Variants in EID1 observed in about 807,000 individuals in gnomAD.
EID1 encodes the protein EP300 interacting inhibitor of differentiation 1.
EID1 carries 3 observed loss-of-function variants against 13.7 expected under a neutral mutation model. That is an observed-to-expected ratio of 0.22 (90% CI 0.10 to 0.57). EID1 has a LOEUF of 0.57. EID1 is among the 20% of genes least tolerant of loss of function. The pLI is 0.92. For missense variants in EID1, 261 were observed against 247.6 expected (o/e 1.05, Z -0.36); for synonymous variants, 105 against 97.6 (o/e 1.08, Z -0.44).
Position 48,879,232 on chromosome 15 carries a change from CAAGCCACAGTTATCA to C in EID1, c.*496_*510del, listed in dbSNP as rs1899892177. The C allele has an allele frequency of 5.9e-6, 1 of 169,222 alleles. No homozygotes were observed. The highest frequency in any genetic ancestry group is 2.4e-5 in the African/African-American group (1 of 41,448). 10.5% of individuals were successfully genotyped at this position (169,222 alleles called of 1,614,324 possible). ...GGAAAATTCTATTTTGTGATCTAGT[CAAGCCACAGTTATCA>C]AAGGCTACATTTTCAGTGTAAGATA... is the stretch of plus-strand genomic sequence containing the variant. On this transcript the variant is annotated 3_prime_UTR_variant, in exon 1 of 1. Transcript: ENST00000530028.
rs558068343 is a variant in EID1, at chr15:48,878,631, A to T, written c.455A>T (p.Glu152Val). The T allele has an allele frequency of 6.2e-7, 1 of 1,614,076 alleles. No individual in the cohort carries two copies. Among genetic ancestry groups the T allele is most frequent in the East Asian group, 2.2e-5 (1 of 44,892 alleles). The change falls in exon 1 of 1, where the codon GAG becomes GTG. Residue 152 changes from glutamate (E) to valine (V), a missense_variant. Coordinates refer to ENST00000530028, the MANE Select transcript of EID1 (RefSeq NM_014335.3). ...GATGGCGGGTTTCAGATGCATTATG[A>T]GAAGACCCCGTTTGATCAGTTAGCT... is the stretch of plus-strand genomic sequence containing the variant. ...ALDGGFQMHY[E>V]KTPFDQLAFI...
In EID1 at chr15:48,879,750, G is replaced by T. The variant is rs1899903536; in HGVS notation, c.*1010G>T. 2 of 167,012 alleles carry T rather than the reference G, an allele frequency of 1.2e-5. No homozygotes were observed. Among genetic ancestry groups the T allele is most frequent in the African/African-American group, 4.8e-5 (2 of 41,424 alleles). The allele number at this position is 167,012 out of a possible 1,614,324, so 10.3% of individuals were successfully genotyped here. ...TCCCTCTGTCTCCTCCTCTAATTAA[G>T]CTTGTTATTTGTCATGCACCAGCAT... is the stretch of plus-strand genomic sequence containing the variant. On this transcript the variant is annotated 3_prime_UTR_variant, in exon 1 of 1. Coordinates refer to ENST00000530028, the MANE Select transcript of EID1 (RefSeq NM_014335.3).
rs1332147958 is a variant in EID1 at position 48,879,888 on chromosome 15, A to G, written c.*1148A>G. 6.0e-6 allele frequency: 1 copy of G among 167,080 alleles called. No individual in the cohort carries two copies. The highest frequency in any genetic ancestry group is 1.5e-5 in the Non-Finnish European group (1 of 68,118). The allele number at this position is 167,080 out of a possible 1,614,324, so 10.3% of individuals were successfully genotyped here. A position where few individuals can be genotyped will look rare whatever the true frequency, so the allele number is the denominator to read the frequency against. On this transcript the variant is annotated 3_prime_UTR_variant, in exon 1 of 1. Coordinates refer to ENST00000530028, the MANE Select transcript of EID1 (RefSeq NM_014335.3). The stretch of plus-strand genomic sequence containing the variant: ...ATGTGTTAACCAGTATTAAGGGAAA[A>G]TGATCCAGCTTCAGCTATCTAATTC...
rs113812432 is a variant in EID1, at chr15:48,878,230, G to A, written c.54G>A (p.Gln18=). Residue 18 remains glutamine (Q), a synonymous_variant, in exon 1 of 1, where the codon CAG becomes CAA. Transcript: ENST00000530028. ...TGTATGAAGAGAGCAGTGACCTGCA[G>A]ATGGATGTGATGCCTGGCGAGGGTG... ...SELYEESSDL[Q]MDVMPGEGDL... is the part of the protein sequence containing the mutation. 6.2e-7 allele frequency: 1 copy of A among 1,607,296 alleles called. No individual in the cohort carries two copies. The highest frequency in any genetic ancestry group is 1.3e-5 in the African/African-American group (1 of 74,902).
Position 48,878,797 on chromosome 15 carries a change from T to C in EID1, c.*57T>C. 1 of 1,490,496 alleles carries C rather than the reference T, an allele frequency of 6.7e-7. No individual in the cohort carries two copies. The allele number at this position is 1,490,496 out of a possible 1,614,324, so 92.3% of individuals were successfully genotyped here. A position where few individuals can be genotyped will look rare whatever the true frequency, so the allele number is the denominator to read the frequency against. On this transcript the variant is annotated 3_prime_UTR_variant, in exon 1 of 1. Coordinates refer to ENST00000530028, the MANE Select transcript of EID1 (RefSeq NM_014335.3). ...TGAGGAGGGACCCAACTTTCCGCTA[T>C]CTTTTGGGTTCATTCCAAATAGTTT...
chr15:48,879,003 A>G lies in EID1; in HGVS notation c.*263A>G. 2.8e-6 allele frequency: 1 copy of G among 362,980 alleles called. No homozygotes were observed. The highest frequency in any genetic ancestry group is 5.2e-6 in the Non-Finnish European group (1 of 190,966). The allele number at this position is 362,980 out of a possible 1,614,324, so 22.5% of individuals were successfully genotyped here. On this transcript the variant is annotated 3_prime_UTR_variant, in exon 1 of 1. Coordinates refer to ENST00000530028, the MANE Select transcript of EID1 (RefSeq NM_014335.3). ...AAACACCTATGGCTTTGACTTTGTT[A>G]TTGATCCAGATTATTTTCCTTGCAT...
In EID1 at chr15:48,878,938, G is replaced by C. The variant is rs1449091518; in HGVS notation, c.*198G>C. Reference sequence around the variant, plus strand: ...AGAATCATTAAAGAAAAAGAAAAAAGATTTTAAGACCGTTGAAATCAATTA... The same window carrying C: ...AGAATCATTAAAGAAAAAGAAAAAACATTTTAAGACCGTTGAAATCAATTA... On this transcript the variant is annotated 3_prime_UTR_variant, in exon 1 of 1. Transcript: ENST00000530028. 3 of 501,422 alleles carry C rather than the reference G, an allele frequency of 6.0e-6. No homozygotes were observed. The highest frequency in any genetic ancestry group is 3.6e-5 in the Admixed American group (1 of 27,792). 31.1% of individuals were successfully genotyped at this position (501,422 alleles called of 1,614,324 possible). A position where few individuals can be genotyped will look rare whatever the true frequency, so the allele number is the denominator to read the frequency against.
chr15:48,878,734 A>G lies in EID1; in HGVS notation c.558A>G (p.Arg186=), dbSNP rs1899881111. Residue 186 remains arginine (R), a synonymous_variant, in exon 1 of 1, where the codon AGA becomes AGG. Coordinates refer to ENST00000530028, the MANE Select transcript of EID1 (RefSeq NM_014335.3). ...EELGCDEIID[R]E ...TCGGCTGTGATGAGATTATTGATAGAGAGTAGTTAGATGCTGTTAAAAGAG... is the reference window on the plus strand; with the variant it reads ...TCGGCTGTGATGAGATTATTGATAGGGAGTAGTTAGATGCTGTTAAAAGAG... 6.2e-7 allele frequency: 1 copy of G among 1,610,774 alleles called. No homozygotes were observed. The highest frequency in any genetic ancestry group is 1.3e-5 in the African/African-American group (1 of 74,966).
chr15:48,878,790 T>C lies in EID1; in HGVS notation c.*50T>C. ...AACTACTTGAGGAGGGACCCAACTT[T>C]CCGCTATCTTTTGGGTTCATTCCAA... On this transcript the variant is annotated 3_prime_UTR_variant, in exon 1 of 1. Coordinates refer to ENST00000530028, the MANE Select transcript of EID1 (RefSeq NM_014335.3). The C allele has an allele frequency of 6.6e-7, 1 of 1,524,944 alleles. No homozygotes were observed. The highest frequency in any genetic ancestry group is 8.9e-7 in the Non-Finnish European group (1 of 1,123,040). The allele number at this position is 1,524,944 out of a possible 1,614,324, so 94.5% of individuals were successfully genotyped here.
Position 48,878,752 on chromosome 15 carries a change from TAAAAG to T in EID1, c.*14_*18del. 1.3e-6 allele frequency: 2 copies of T among 1,598,982 alleles called. No homozygotes were observed. Among genetic ancestry groups the T allele is most frequent in the Non-Finnish European group, 8.6e-7 (1 of 1,168,298 alleles). On this transcript the variant is annotated 3_prime_UTR_variant, in exon 1 of 1. Coordinates refer to ENST00000530028, the MANE Select transcript of EID1 (RefSeq NM_014335.3). Reference sequence around the variant, plus strand: ...TTGATAGAGAGTAGTTAGATGCTGTTAAAAGAGGAGGAAACTACTTGAGGAGGGAC... The same window carrying T: ...TTGATAGAGAGTAGTTAGATGCTGTTAGGAGGAAACTACTTGAGGAGGGAC...
At position 48,878,199 on chromosome 15, in the gene EID1, C is replaced by T; in HGVS notation, c.23C>T (p.Ser8Phe). The T allele has an allele frequency of 6.4e-7, 1 of 1,568,864 alleles. No individual in the cohort carries two copies. Among genetic ancestry groups the T allele is most frequent in the South Asian group, 1.2e-5 (1 of 85,708 alleles). MSEMAEL[S>F]ELYEESSDLQ... ...ACAATGTCGGAAATGGCTGAGTTGTCCGAGCTGTATGAAGAGAGCAGTGAC... is the reference window on the plus strand; with the variant it reads ...ACAATGTCGGAAATGGCTGAGTTGTTCGAGCTGTATGAAGAGAGCAGTGAC... Residue 8 changes from serine to phenylalanine, a missense_variant, in exon 1 of 1, where the codon TCC (serine) becomes TTC (phenylalanine). Ser to Phe is a radical substitution (Grantham distance 155, BLOSUM62 -2). Around this residue, in one of 2 missense-constraint regions of EID1, gnomAD observed 244 missense variants for 210.8 expected, o/e 1.16. Coordinates refer to ENST00000530028, the MANE Select transcript of EID1 (RefSeq NM_014335.3).
rs755502226 is a variant in EID1 at position 48,878,564 on chromosome 15, G to A, written c.388G>A (p.Glu130Lys). The A allele has an allele frequency of 6.2e-7, 1 of 1,614,092 alleles. No homozygotes were observed. Among genetic ancestry groups the A allele is most frequent in the Non-Finnish European group, 8.5e-7 (1 of 1,179,906 alleles). ...CTACAGAGTATCAGCCGCTCTTGAA[G>A]AAGCCGACAAGATGTTTCTGAGAAC... ...AGYRVSAALE[E>K]ADKMFLRTRE... Residue 130 changes from glutamate (E) to lysine (K), a missense_variant, in exon 1 of 1, where the codon GAA (glutamate) becomes AAA (lysine). Around this residue, in one of 2 missense-constraint regions of EID1, gnomAD observed 244 missense variants for 210.8 expected, o/e 1.16. Coordinates refer to ENST00000530028, the MANE Select transcript of EID1 (RefSeq NM_014335.3).
chr15:48,878,455 C>A lies in EID1; in HGVS notation c.279C>A (p.Phe93Leu), dbSNP rs779336657. ...EQPGQVAGAD[F>L]ESEDEGEEFD... is the part of the protein sequence containing the mutation. ...CAGGCCAGGTGGCGGGCGCAGACTT[C>A]GAGAGCGAGGACGAGGGCGAGGAAT... is the stretch of plus-strand genomic sequence containing the variant. Residue 93 changes from phenylalanine to leucine, a missense_variant, in exon 1 of 1, where the codon TTC becomes TTA. Around this residue, in one of 2 missense-constraint regions of EID1, gnomAD observed 244 missense variants for 210.8 expected, o/e 1.16. Transcript: ENST00000530028. 8 of 1,613,248 alleles carry A rather than the reference C, an allele frequency of 5.0e-6. No homozygotes were observed. The highest frequency in any genetic ancestry group is 6.8e-6 in the Non-Finnish European group (8 of 1,179,618).
At position 48,878,269 on chromosome 15, in the gene EID1, G is replaced by A. The variant is rs1182498014; in HGVS notation, c.93G>A (p.Met31Ile). 4 of 1,613,426 alleles carry A rather than the reference G, an allele frequency of 2.5e-6. No homozygotes were observed. The highest frequency in any genetic ancestry group is 8.5e-7 in the Non-Finnish European group (1 of 1,179,538). ...VMPGEGDLPQMEVGSGSRELS... is the reference protein window; with the variant it reads ...VMPGEGDLPQIEVGSGSRELS... ...CTGGCGAGGGTGACCTTCCGCAGAT[G>A]GAGGTAGGCAGCGGGAGCCGGGAGC... Residue 31 changes from methionine (M) to isoleucine (I), a missense_variant, in exon 1 of 1, where the codon ATG (methionine) becomes ATA (isoleucine). This residue lies in a region of EID1 where 244 missense variants were observed against 210.8 expected (regional missense o/e 1.16). Coordinates refer to ENST00000530028, the MANE Select transcript of EID1 (RefSeq NM_014335.3).
rs1195512071 is a variant in EID1 at position 48,878,268 on chromosome 15, T to C, written c.92T>C (p.Met31Thr). Residue 31 changes from methionine (M) to threonine (T), a missense_variant, in exon 1 of 1, where the codon ATG (methionine) becomes ACG (threonine). Physicochemically the swap from Met to Thr is moderately conservative, Grantham distance 81 (BLOSUM62 -1). Coordinates refer to ENST00000530028, the MANE Select transcript of EID1 (RefSeq NM_014335.3). ...CCTGGCGAGGGTGACCTTCCGCAGA[T>C]GGAGGTAGGCAGCGGGAGCCGGGAG... The part of the protein sequence containing the change: ...VMPGEGDLPQ[M>T]EVGSGSRELS... 2 of 1,613,212 alleles carry C rather than the reference T, an allele frequency of 1.2e-6. No individual in the cohort carries two copies. The highest frequency in any genetic ancestry group is 2.2e-5 in the East Asian group (1 of 44,880).
chr15:48,878,548 A>G lies in EID1; in HGVS notation c.372A>G (p.Val124=), dbSNP rs766741446. 2 of 1,614,082 alleles carry G rather than the reference A, an allele frequency of 1.2e-6. No individual in the cohort carries two copies. The highest frequency in any genetic ancestry group is 3.3e-5 in the Admixed American group (2 of 60,034). ...AGCTCAGTGGTGCCGGCTACAGAGTATCAGCCGCTCTTGAAGAAGCCGACA... is the reference window on the plus strand; with the variant it reads ...AGCTCAGTGGTGCCGGCTACAGAGTGTCAGCCGCTCTTGAAGAAGCCGACA... ...EEQLSGAGYR[V]SAALEEADKM... Residue 124 remains valine, a synonymous_variant, in exon 1 of 1, where the codon GTA becomes GTG. Coordinates refer to ENST00000530028, the MANE Select transcript of EID1 (RefSeq NM_014335.3).
chr15:48,879,673 C>A lies in EID1; in HGVS notation c.*933C>A, dbSNP rs1899901864. 1 of 167,068 alleles carries A rather than the reference C, an allele frequency of 6.0e-6. No individual in the cohort carries two copies. The highest frequency in any genetic ancestry group is 2.4e-5 in the African/African-American group (1 of 41,452). The allele number at this position is 167,068 out of a possible 1,614,324, so 10.3% of individuals were successfully genotyped here. A position where few individuals can be genotyped will look rare whatever the true frequency, so the allele number is the denominator to read the frequency against. On this transcript the variant is annotated 3_prime_UTR_variant, in exon 1 of 1. Transcript: ENST00000530028. Reference sequence around the variant, plus strand: ...AAGACTTTATGAACAGTTATTCTATCAACTTTTAAAGGTTTTAAACCTGCC... The same window carrying A: ...AAGACTTTATGAACAGTTATTCTATAAACTTTTAAAGGTTTTAAACCTGCC...
In EID1 at chr15:48,878,405, A is replaced by G. The variant is rs776024788; in HGVS notation, c.229A>G (p.Asn77Asp). The change falls in exon 1 of 1, where the codon AAC becomes GAC. Residue 77 changes from asparagine to aspartate, a missense_variant. This residue lies in a region of EID1 where 244 missense variants were observed against 210.8 expected (regional missense o/e 1.16). Coordinates refer to ENST00000530028, the MANE Select transcript of EID1 (RefSeq NM_014335.3). The part of the protein sequence containing the change: ...AAPEGKRSLA[N>D]GPNAGEQPGQ... ...GCCAGAGGGGAAACGGAGCCTTGCTAACGGGCCCAACGCTGGGGAGCAGCC... is the reference window on the plus strand; with the variant it reads ...GCCAGAGGGGAAACGGAGCCTTGCTGACGGGCCCAACGCTGGGGAGCAGCC... The G allele has an allele frequency of 2.5e-6, 4 of 1,612,016 alleles. No homozygotes were observed. The highest frequency in any genetic ancestry group is 1.1e-5 in the South Asian group (1 of 90,900).
At position 48,878,629 on chromosome 15, in the gene EID1, T is replaced by C. The variant is rs763235189; in HGVS notation, c.453T>C (p.Tyr151=). The change falls in exon 1 of 1, where the codon TAT becomes TAC. Residue 151 remains tyrosine (Y), a synonymous_variant. Coordinates refer to ENST00000530028, the MANE Select transcript of EID1 (RefSeq NM_014335.3). ...PALDGGFQMH[Y]EKTPFDQLAF... ...TGGATGGCGGGTTTCAGATGCATTA[T>C]GAGAAGACCCCGTTTGATCAGTTAG... 3.7e-6 allele frequency: 6 copies of C among 1,614,092 alleles called. No homozygotes were observed. The South Asian group carries it at 6.6e-5, about 18-fold the overall frequency.
Sources: allele counts gnomAD v4.1 joint callset, GRCh38; gene constraint gnomAD v4.1.1; regional missense constraint gnomAD v4.1.1; transcripts MANE v1.5; gene names NCBI Gene and HGNC (gene_info 2026-07-23, HGNC 2026-07-21).